The following CPQ variants were observed in gnomAD, a reference collection of about 807,000 sequenced individuals.
CPQ encodes Ser-Met dipeptidase.
A neutral mutation model predicts 45.7 loss-of-function variants in CPQ; 37 were observed. The ratio of observed to expected loss-of-function variants is 0.81; its 90% CI spans 0.62 to 1.07. CPQ has a LOEUF of 1.07. CPQ is among the 50% of genes least tolerant of loss of function. The pLI is 0.00. For missense variants in CPQ, 537 were observed against 572.9 expected (o/e 0.94, Z 0.64); for synonymous variants, 186 against 205.8 (o/e 0.90, Z 0.82).
chr8:96,697,375 T>A (rs925019791), intron 1 of CPQ, among the ~76,000 whole-genome samples: 1 of 152,204 alleles, frequency 6.6e-6, no homozygotes. Flanking sequence ...CATAGTTCAA[T>A]GTAATAAAAG....
At chr8:96,825,610 C>T (rs960716757) in intron 2 of CPQ, among the ~76,000 whole-genome samples, 1 of 151,992 alleles carries the variant, frequency 6.6e-6, no homozygotes, top group Non-Finnish European at 1.5e-5. Flanking sequence ...AAATGAAATC[C>T]AGAAAATTTT....
intron 2 of CPQ, among the ~76,000 whole-genome samples, chr8:96,806,700 A>G (rs1165361839): frequency 6.6e-6 from 1 of 152,248 alleles, no homozygotes; most frequent in Admixed American, 6.5e-5. Flanking sequence ...TACTGTATTT[A>G]TGCATTTATG....
At chr8:96,807,480 G>T (rs1274295893) in intron 2 of CPQ, among the ~76,000 whole-genome samples, 4 of 152,056 alleles carry the variant, frequency 2.6e-5, no homozygotes, top group Non-Finnish European at 5.9e-5. Context: ...TGATCCACCC[G>T]CCTGGACCTC....
chr8:97,051,388 G>A (rs1810359656), intron 6 of CPQ, among the ~76,000 whole-genome samples: 1 of 152,126 alleles, frequency 6.6e-6, no homozygotes, highest in Non-Finnish European at 1.5e-5. Context: ...ACAAGATCTT[G>A]AAGGATTATT....
intron 7 of CPQ, among the ~76,000 whole-genome samples, chr8:97,090,550 C>G (rs571405379): frequency 6.6e-6 from 1 of 152,244 alleles, no homozygotes; most frequent in Non-Finnish European, 1.5e-5. Flanking sequence ...GATTACATGT[C>G]ATGTTTCTAA....
At chr8:96,890,017 GTC>G (rs1216764605) in intron 4 of CPQ, among the ~76,000 whole-genome samples, 1 of 152,088 alleles carries the variant, frequency 6.6e-6, no homozygotes, top group East Asian at 1.9e-4. Flanking sequence ...TTCACCCCTT[GTC>G]AACTTGAACC....
At chr8:96,681,152 A>G (rs1490270360) in intron 1 of CPQ, among the ~76,000 whole-genome samples, 2 of 152,254 alleles carry the variant, frequency 1.3e-5, no homozygotes, top group Non-Finnish European at 1.5e-5. Flanking sequence ...GGCTGTAGAA[A>G]TTTACATAAA....
At position 97,137,879 on chromosome 8, in the gene CPQ, C is replaced by G. The variant is rs531060241; in HGVS notation, c.1256-5141C>G. Among the ~76,000 whole-genome samples the G allele has an allele frequency of 2.3e-4, 35 of 150,294 alleles. 1 individual carries two copies. Among genetic ancestry groups the G allele is most frequent in the African/African-American group, 8.2e-4 (33 of 40,356 alleles). On this transcript the variant is annotated intron_variant, in intron 7 of 7. Transcript: ENST00000220763. ...ACTCCAGCCTGGGCGAAGAGCAAGA[C>G]TCCGTCTCAAAAAAAAAAAAGGACT...
intron 6 of CPQ, among the ~76,000 whole-genome samples, chr8:97,063,272 T>C (rs550270437): frequency 3.7e-4 from 56 of 152,356 alleles, no homozygotes; most frequent in African/African-American, 1.3e-3. Flanking sequence ...GCCACACGTA[T>C]GTCTTCTTTT....
At chr8:97,133,706 T>G (rs1161272455) in intron 7 of CPQ, among the ~76,000 whole-genome samples, 1 of 152,230 alleles carries the variant, frequency 6.6e-6, no homozygotes, top group African/African-American at 2.4e-5. Context: ...ATTTGAGATA[T>G]CTGTTCTATG....
intron 1 of CPQ, among the ~76,000 whole-genome samples, chr8:96,684,447 A>T (rs142588473): frequency 6.6e-6 from 1 of 152,274 alleles, no homozygotes; most frequent in African/African-American, 2.4e-5. Flanking sequence ...CCTGTCCTCA[A>T]GTCCCTGATG....
intron 4 of CPQ, among the ~76,000 whole-genome samples, chr8:96,956,189 C>T (rs1390243924): frequency 6.6e-6 from 1 of 152,042 alleles, no homozygotes; most frequent in Non-Finnish European, 1.5e-5. Context: ...ATAATTATTC[C>T]TTATGGACTT....
chr8:96,817,686 T>C (rs983990659), intron 2 of CPQ, among the ~76,000 whole-genome samples: 1 of 151,952 alleles, frequency 6.6e-6, no homozygotes, highest in Non-Finnish European at 1.5e-5. Context: ...CAATCCTGGC[T>C]CACTGCAGCC....
At chr8:96,832,211 G>A (rs1214467307) in intron 2 of CPQ, among the ~76,000 whole-genome samples, 2 of 152,118 alleles carry the variant, frequency 1.3e-5, no homozygotes, top group Non-Finnish European at 2.9e-5. Context: ...GCTTTCTTGT[G>A]TTCAAGTTTT....
intron 3 of CPQ, 148 bp downstream of exon 3, chr8:96,835,328 T>A: frequency 1.8e-6 from 1 of 557,936 alleles, no homozygotes; most frequent in East Asian, 3.4e-5. Context: ...CATTCCACAT[T>A]TGGTCATTTG....
chr8:96,944,375 C>T (rs1204451373), intron 4 of CPQ, among the ~76,000 whole-genome samples: 1 of 152,104 alleles, frequency 6.6e-6, no homozygotes, highest in African/African-American at 2.4e-5. Context: ...TCCATTTGTT[C>T]ATGACCCCCT....
intron 3 of CPQ, among the ~76,000 whole-genome samples, chr8:96,860,490 C>T (rs1296057195): frequency 6.6e-6 from 1 of 152,148 alleles, no homozygotes; most frequent in Non-Finnish European, 1.5e-5. Flanking sequence ...TTCCAATTCT[C>T]TGAAGCTCCT....
intron 4 of CPQ, among the ~76,000 whole-genome samples, chr8:96,933,670 C>T (rs1437972236): frequency 1.3e-5 from 2 of 152,082 alleles, no homozygotes; most frequent in African/African-American, 4.8e-5. Flanking sequence ...GGGGAAGTGA[C>T]CTTATCTGTA....
At chr8:96,793,723 G>A (rs1266267626) in intron 2 of CPQ, among the ~76,000 whole-genome samples, 1 of 152,154 alleles carries the variant, frequency 6.6e-6, no homozygotes, top group Non-Finnish European at 1.5e-5. Flanking sequence ...CCACTTATAA[G>A]CCTGCAAAAT....
Sources: allele counts gnomAD v4.1 joint callset (sites outside exome capture counted in the v4.1 genomes callset), GRCh38; gene constraint gnomAD v4.1.1; transcripts MANE v1.5; gene names NCBI Gene and HGNC (gene_info 2026-07-23, HGNC 2026-07-21).